Variants in EDIL3 observed in about 807,000 individuals in gnomAD.
EDIL3 encodes EGF-like repeat and discoidin I-like domain-containing protein 3.
In EDIL3, 37 loss-of-function variants were observed where a neutral mutation model predicts 67.4. That is an observed-to-expected ratio of 0.55 (90% CI 0.42 to 0.72). The LOEUF is 0.72. Among genes scored for constraint, EDIL3 ranks in the 30% least tolerant of loss-of-function variants. EDIL3 has a pLI of 0.00. For missense variants in EDIL3, 527 were observed against 586.3 expected, an observed-to-expected ratio of 0.90 and a Z score of 1.04; for synonymous variants, 195 against 196.3, an observed-to-expected ratio of 0.99 and a Z score of 0.05.
chr5:84,079,412 G>A (rs1580316760), intron 6 of EDIL3, among the ~76,000 whole-genome samples: 1 of 151,924 alleles, frequency 6.6e-6, no homozygotes, highest in East Asian at 1.9e-4. Flanking sequence ...TATGGCGTGT[G>A]CAGTAACTGG....
At chr5:84,029,296 C>T (rs1745875235) in intron 9 of EDIL3, among the ~76,000 whole-genome samples, 2 of 152,002 alleles carry the variant, frequency 1.3e-5, no homozygotes, top group South Asian at 2.1e-4. Context: ...AAGAGGAGTT[C>T]CTCTGCACAA....
chr5:84,332,597 G>T (rs1298308187), intron 1 of EDIL3, among the ~76,000 whole-genome samples: 1 of 152,132 alleles, frequency 6.6e-6, no homozygotes, highest in Non-Finnish European at 1.5e-5. Flanking sequence ...AACTAGTAGA[G>T]ACATAGGGTC....
chr5:84,029,249 C>T (rs935986673), intron 9 of EDIL3, among the ~76,000 whole-genome samples: 1 of 151,990 alleles, frequency 6.6e-6, no homozygotes, highest in African/African-American at 2.4e-5. Context: ...AGGGATACTC[C>T]ATCTCACAAA....
chr5:84,141,593 A>G (rs1474462762), intron 4 of EDIL3, among the ~76,000 whole-genome samples: 1 of 148,718 alleles, frequency 6.7e-6, no homozygotes, highest in African/African-American at 2.4e-5. Context: ...AAGGAGAAGA[A>G]GGAAGACAGA....
Position 84,064,836 on chromosome 5 carries a change from A to T in EDIL3, c.816T>A (p.Arg272=). 6.2e-7 allele frequency: 1 copy of T among 1,609,508 alleles called. No homozygotes were observed. Residue 272 remains arginine, a synonymous_variant, in exon 8 of 11, where the codon CGT becomes CGA. Coordinates refer to ENST00000296591, the MANE Select transcript of EDIL3 (RefSeq NM_005711.5). Reference sequence around the variant, plus strand: ...ATGGAGTGTTGTTATCAATGTTTCCACGAAACACCTGTGTAAAAACAGTTT... The same window carrying T: ...ATGGAGTGTTGTTATCAATGTTTCCTCGAAACACCTGTGTAAAAACAGTTT... ...VKGTNEDMVF[R]GNIDNNTPYA...
At chr5:84,334,739 TC>T (rs1482321206) in intron 1 of EDIL3, among the ~76,000 whole-genome samples, 2 of 152,176 alleles carry the variant, frequency 1.3e-5, no homozygotes, top group Non-Finnish European at 2.9e-5. Context: ...ATCTTTTGCC[TC>T]AAATATTATT....
At chr5:84,070,995 C>T (rs1400290605) in intron 6 of EDIL3, among the ~76,000 whole-genome samples, 1 of 152,136 alleles carries the variant, frequency 6.6e-6, no homozygotes, top group Non-Finnish European at 1.5e-5. Flanking sequence ...TTCTGATCTA[C>T]CCAGTTCCAG....
chr5:84,052,375 T>TAGA (rs1746356959), intron 9 of EDIL3, among the ~76,000 whole-genome samples: 1 of 152,056 alleles, frequency 6.6e-6, no homozygotes, highest in African/African-American at 2.4e-5. Context: ...GTAAAGACCA[T>TAGA]CAATGCTAGG....
chr5:83,965,831 A>G (rs1020455676), intron 9 of EDIL3, among the ~76,000 whole-genome samples: 5 of 151,990 alleles, frequency 3.3e-5, no homozygotes, highest in African/African-American at 1.2e-4. Flanking sequence ...CCACTTAAAT[A>G]GTCAGCAATC....
intron 8 of EDIL3, 70 bp from the exon 9 acceptor site, chr5:84,060,554 G>T: frequency 1.3e-6 from 2 of 1,537,374 alleles, no homozygotes; most frequent in South Asian, 1.2e-5. Context: ...CATTCATTTT[G>T]GATAGGCAAG....
chr5:84,335,614 T>C (rs1204827425), intron 1 of EDIL3, among the ~76,000 whole-genome samples: 1 of 152,106 alleles, frequency 6.6e-6, no homozygotes, highest in African/African-American at 2.4e-5. Flanking sequence ...ACTCAAAGTA[T>C]GAATAAGCAA....
intron 8 of EDIL3, among the ~76,000 whole-genome samples, chr5:84,062,003 C>T (rs906144632): frequency 5.3e-5 from 8 of 152,176 alleles, no homozygotes; most frequent in Admixed American, 5.2e-4. Flanking sequence ...TGAGGCTCCC[C>T]ATATTTCCCT....
At chr5:84,215,166 G>A (rs867618105) in intron 3 of EDIL3, among the ~76,000 whole-genome samples, 9 of 152,100 alleles carry the variant, frequency 5.9e-5, no homozygotes, top group African/African-American at 1.2e-4. Context: ...GGATTCAGTC[G>A]AGAACAAAAT....
intron 9 of EDIL3, among the ~76,000 whole-genome samples, chr5:84,052,592 C>G (rs888914086): frequency 3.3e-5 from 5 of 151,762 alleles, no homozygotes; most frequent in African/African-American, 1.2e-4. Flanking sequence ...CACATAGGCT[C>G]AAAATAAAGG....
At chr5:83,983,744 T>TTTC (rs914175707) in intron 9 of EDIL3, among the ~76,000 whole-genome samples, 5 of 146,326 alleles carry the variant, frequency 3.4e-5, no homozygotes, top group African/African-American at 1.2e-4. Flanking sequence ...GGGACTTTCT[T>TTTC]TTTTTTTTTT....
chr5:84,178,589 T>C (rs1374800218), intron 4 of EDIL3, among the ~76,000 whole-genome samples: 3 of 152,222 alleles, frequency 2.0e-5, no homozygotes, highest in Non-Finnish European at 2.9e-5. Flanking sequence ...ATGGCTTATA[T>C]GAACCAAAGA....
At chr5:84,207,386 G>A (rs1185989537) in intron 3 of EDIL3, among the ~76,000 whole-genome samples, 1 of 152,170 alleles carries the variant, frequency 6.6e-6, no homozygotes, top group Non-Finnish European at 1.5e-5. Flanking sequence ...ACTGCTCATT[G>A]AAATAAAAGA....
At chr5:84,187,617 C>A (rs531764703) in intron 3 of EDIL3, among the ~76,000 whole-genome samples, 2 of 152,152 alleles carry the variant, frequency 1.3e-5, no homozygotes, top group South Asian at 2.1e-4. Context: ...ATAGCTATGA[C>A]CCCAAATTTC....
At chr5:84,225,760 G>A (rs1744439464) in intron 3 of EDIL3, among the ~76,000 whole-genome samples, 1 of 151,294 alleles carries the variant, frequency 6.6e-6, no homozygotes, top group African/African-American at 2.4e-5. Context: ...TGTGCCTATA[G>A]AATTAAAACA....
Sources: allele counts gnomAD v4.1 joint callset (sites outside exome capture counted in the v4.1 genomes callset), GRCh38; gene constraint gnomAD v4.1.1; transcripts MANE v1.5; gene names NCBI Gene and HGNC (gene_info 2026-07-23, HGNC 2026-07-21).